Variants in SPTBN4 observed in about 807,000 individuals in gnomAD.
The protein encoded by SPTBN4 is spectrin beta, non-erythrocytic 4.
SPTBN4 carries 96 observed loss-of-function variants against 277.8 expected under a neutral mutation model. That is an observed-to-expected ratio of 0.35 (90% CI 0.29 to 0.41). The LOEUF (loss-of-function observed/expected upper bound fraction) is 0.41, where lower values mean the gene tolerates loss of function less well. SPTBN4 is among the 10% of genes least tolerant of loss of function. SPTBN4 has a pLI of 1.00. For missense variants in SPTBN4, 3,006 were observed against 3,595.7 expected (o/e 0.84, Z 4.19); for synonymous variants, 1,481 against 1,580.3 (o/e 0.94, Z 1.49).
intron 18 of SPTBN4, 58 bp downstream of exon 18, chr19:40,529,189 C>T: frequency 2.7e-6 from 4 of 1,485,878 alleles, no homozygotes; most frequent in Non-Finnish European, 3.8e-6. Flanking sequence ...GAGGGAAGTG[C>T]TTCTCGGCCG....
chr19:40,556,258 C>A lies in SPTBN4; in HGVS notation c.5259C>A (p.Pro1753=), dbSNP rs372252125. The change falls in exon 25 of 36, where the codon CCC becomes CCA. Residue 1753 remains proline, a synonymous_variant. Transcript: ENST00000598249. ...IAEKEVVAGS[P]ELGQDFEHVS... ...AGAAGGAGGTGGTGGCTGGCTCACC[C>A]GAGCTCGGCCAGGACTTTGAGCATG... The A allele has an allele frequency of 1.9e-6, 3 of 1,612,902 alleles. No homozygotes were observed. Among genetic ancestry groups the A allele is most frequent in the Non-Finnish European group, 1.7e-6 (2 of 1,179,624 alleles).
chr19:40,568,315 G>C, intron 31 of SPTBN4, 33 bp downstream of exon 31: 1 of 1,565,708 alleles, frequency 6.4e-7, no homozygotes, highest in Non-Finnish European at 8.6e-7. Context: ...AGAAAGTGAG[G>C]GGAGGGGAAA....
chr19:40,472,537 G>GGA lies in SPTBN4; in HGVS notation c.-15-69_-15-68dup, dbSNP rs369275454. 2,009 of 1,399,172 alleles carry GGA rather than the reference G, an allele frequency of 1.4e-3. 23 individuals are homozygous for GGA. The African/African-American group carries it at 0.025, about 17-fold the overall frequency. 86.7% of individuals were successfully genotyped at this position (1,399,172 alleles called of 1,614,324 possible). A position where few individuals can be genotyped will look rare whatever the true frequency, so the allele number is the denominator to read the frequency against. On this transcript the variant is annotated intron_variant, in intron 1 of 35. Transcript: ENST00000598249. ...GAAATTGAGGACAAGAGAGGGGACAGGACTCAAAGCCAGTCACTGTTAGAA... is the reference window on the plus strand; with the variant it reads ...GAAATTGAGGACAAGAGAGGGGACAGGAGACTCAAAGCCAGTCACTGTTAGAA...
Position 40,502,358 on chromosome 19 carries a change from A to T in SPTBN4, c.1086-32A>T. The T allele has an allele frequency of 6.2e-7, 1 of 1,609,142 alleles. No homozygotes were observed. Among genetic ancestry groups the T allele is most frequent in the Non-Finnish European group, 8.5e-7 (1 of 1,177,066 alleles). ...AGGGAGGGTGGGCAGGGGTGGCATG[A>T]CGGCAGGGCTCCTGAGCTCATGCCC... On this transcript the variant is annotated intron_variant, in intron 9 of 35. Coordinates refer to ENST00000598249, the MANE Select transcript of SPTBN4 (RefSeq NM_020971.3). The surrounding 1 kb of genome is among the most constrained non-coding windows in gnomAD (Gnocchi z 4.9).
At chr19:40,523,730 T>G in intron 17 of SPTBN4, 91 bp downstream of exon 17, 1 of 1,168,158 alleles carries the variant, frequency 8.6e-7, no homozygotes, top group African/African-American at 1.5e-5. Flanking sequence ...GTCCCACTCC[T>G]TTCATCACGA....
At chr19:40,565,936 T>A (rs372106323) in intron 29 of SPTBN4, among the ~76,000 whole-genome samples, 191 bp downstream of exon 29, 113 of 151,706 alleles carry the variant, frequency 7.4e-4, no homozygotes, top group African/African-American at 2.5e-3. Context: ...GAAAAAAAAG[T>A]CTTAAAGTCC....
chr19:40,482,243 T>A (rs1335733808), intron 2 of SPTBN4, among the ~76,000 whole-genome samples: 1 of 151,906 alleles, frequency 6.6e-6, no homozygotes, highest in Non-Finnish European at 1.5e-5. Context: ...GGCCTGATTT[T>A]TAATTTTTTA....
Position 40,569,721 on chromosome 19 carries a change from G to T in SPTBN4, c.7021G>T (p.Ala2341Ser), listed in dbSNP as rs199963381. 1 of 1,611,016 alleles carries T rather than the reference G, an allele frequency of 6.2e-7. No individual in the cohort carries two copies. Among genetic ancestry groups the T allele is most frequent in the African/African-American group, 1.3e-5 (1 of 74,778 alleles). The change falls in exon 32 of 36, where the codon GCT becomes TCT. Residue 2341 changes from alanine (A) to serine (S), a missense_variant. Coordinates refer to ENST00000598249, the MANE Select transcript of SPTBN4 (RefSeq NM_020971.3). ...QEKEAGPGLP[A>S]GPSLPQPREL... The stretch of plus-strand genomic sequence containing the variant: ...GAAAGAGGCAGGCCCAGGGCTGCCT[G>T]CTGGGGTAAGTTGAGCCTCGGATGG...
chr19:40,536,539 T>C (rs1197387352), intron 20 of SPTBN4, among the ~76,000 whole-genome samples: 1 of 152,160 alleles, frequency 6.6e-6, no homozygotes, highest in Non-Finnish European at 1.5e-5. Flanking sequence ...TAATATAGAA[T>C]AGCAGTTCTC....
rs117679787 is a variant in SPTBN4 at position 40,524,916 on chromosome 19, A to C, written c.3857+1277A>C. Among the ~76,000 whole-genome samples, 101 of 152,252 alleles carry C rather than the reference A, an allele frequency of 6.6e-4. 1 individual carries two copies. The East Asian group carries it at 0.016, about 24-fold the overall frequency. On this transcript the variant is annotated intron_variant, in intron 17 of 35. Coordinates refer to ENST00000598249, the MANE Select transcript of SPTBN4 (RefSeq NM_020971.3). ...TTGTAGGTAGGCACTGAACAAAACAACACCACCACCTCCAGCCATCATGGG... is the reference window on the plus strand; with the variant it reads ...TTGTAGGTAGGCACTGAACAAAACACCACCACCACCTCCAGCCATCATGGG...
At chr19:40,536,777 G>A (rs759055021) in intron 20 of SPTBN4, among the ~76,000 whole-genome samples, 2 of 152,104 alleles carry the variant, frequency 1.3e-5, no homozygotes, top group Non-Finnish European at 2.9e-5. Context: ...GCAACAGCCT[G>A]TCTCTATTTT....
chr19:40,568,015 G>C lies in SPTBN4; in HGVS notation c.6689G>C (p.Arg2230Pro). The change falls in exon 31 of 36, where the codon CGA becomes CCA. Residue 2230 changes from arginine to proline, a missense_variant. Arg to Pro is a moderately radical substitution (Grantham distance 103). Around this residue, in one of 5 missense-constraint regions of SPTBN4, gnomAD observed 630 missense variants for 677.6 expected, o/e 0.93. Coordinates refer to ENST00000598249, the MANE Select transcript of SPTBN4 (RefSeq NM_020971.3). Reference protein sequence around the residue: ...TPAAAEQVRPRPERQESADRA... With the variant: ...TPAAAEQVRPPPERQESADRA... ...GCGGCGGCGGAGCAGGTGCGGCCAC[G>C]ACCGGAGCGCCAGGAGTCAGCTGAT... 3 of 1,537,774 alleles carry C rather than the reference G, an allele frequency of 2.0e-6. No individual in the cohort carries two copies. Among genetic ancestry groups the C allele is most frequent in the Non-Finnish European group, 2.6e-6 (3 of 1,143,482 alleles).
At position 40,513,003 on chromosome 19, in the gene SPTBN4, C is replaced by A. The variant is rs1457021059; in HGVS notation, c.2214C>A (p.Thr738=). Residue 738 remains threonine (T), a synonymous_variant, in exon 14 of 36, where the codon ACC becomes ACA. Coordinates refer to ENST00000598249, the MANE Select transcript of SPTBN4 (RefSeq NM_020971.3). ...GTGCCGTCGGCCCGGGAGCAGACAC[C>A]GTGCACCTGGTAGGCCTGGCGGAGC... ...AGGAVGPGAD[T]VHLVGLAERA... The A allele has an allele frequency of 2.8e-6, 4 of 1,434,846 alleles. No individual in the cohort carries two copies. Among genetic ancestry groups the A allele is most frequent in the Non-Finnish European group, 2.7e-6 (3 of 1,101,174 alleles). 88.9% of individuals were successfully genotyped at this position (1,434,846 alleles called of 1,614,324 possible).
At chr19:40,513,583 TC>T in intron 14 of SPTBN4, 29 bp downstream of exon 14, 1 of 1,501,508 alleles carries the variant, frequency 6.7e-7, no homozygotes. Flanking sequence ...GACTCCGGGG[TC>T]CCCTTCCTCA....
intron 7 of SPTBN4, among the ~76,000 whole-genome samples, chr19:40,499,223 G>A (rs1033871737): frequency 3.7e-4 from 55 of 147,942 alleles, no homozygotes; most frequent in African/African-American, 1.4e-3. Context: ...ATTTTTAGCA[G>A]AGACAGGGTT....
intron 18 of SPTBN4, among the ~76,000 whole-genome samples, chr19:40,530,069 C>T (rs1382385727): frequency 6.6e-6 from 1 of 152,148 alleles, no homozygotes; most frequent in Non-Finnish European, 1.5e-5. Context: ...CCCCTGTTCC[C>T]CCTCGCCCCC....
At chr19:40,468,142 A>T in intron 1 of SPTBN4, among the ~76,000 whole-genome samples, 1 of 150,854 alleles carries the variant, frequency 6.6e-6, no homozygotes, top group Non-Finnish European at 1.5e-5. Context: ...TAATGGCGCG[A>T]TCTTGGCTCA....
intron 19 of SPTBN4, among the ~76,000 whole-genome samples, chr19:40,533,626 T>C (rs992186799): frequency 1.3e-5 from 2 of 152,208 alleles, no homozygotes; most frequent in African/African-American, 4.8e-5. Flanking sequence ...TTGAGTTTAA[T>C]GGAAGTTCAT....
rs541811236 is a variant in SPTBN4 at position 40,471,239 on chromosome 19, G to A, written c.-15-1368G>A. On this transcript the variant is annotated intron_variant, in intron 1 of 35. Transcript: ENST00000598249. ...TGGGATTACATGCATGAGCCACCGCGCCTGGCCCTATCATCTATGTTTGAA... is the reference window on the plus strand; with the variant it reads ...TGGGATTACATGCATGAGCCACCGCACCTGGCCCTATCATCTATGTTTGAA... 1.1e-4 allele frequency among the ~76,000 whole-genome samples: 16 copies of A among 152,220 alleles called. No individual in the cohort carries two copies. In the East Asian group the frequency reaches 1.3e-3, roughly 13 times the overall value.
Sources: gnomAD v4.1 joint callset for allele counts (sites outside exome capture counted in the v4.1 genomes callset) on GRCh38, gnomAD v4.1.1 for gene constraint, gnomAD v4.1.1 regional missense constraint, Gnocchi (gnomAD v3.1) non-coding constraint, MANE v1.5 for transcripts, NCBI Gene and HGNC (gene_info 2026-07-23, HGNC 2026-07-21) for gene names.